CDKAL1: variants seen among roughly 807,000 people sequenced by gnomAD.
CDKAL1 encodes the protein threonylcarbamoyladenosine tRNA methylthiotransferase.
CDKAL1 carries 32 observed loss-of-function variants against 68.2 expected under a neutral mutation model. The ratio of observed to expected loss-of-function variants is 0.47; its 90% CI spans 0.35 to 0.63. The LOEUF (loss-of-function observed/expected upper bound fraction) is 0.63. Among genes scored for constraint, CDKAL1 ranks in the 30% least tolerant of loss-of-function variants. The pLI, the probability that CDKAL1 is intolerant of heterozygous loss-of-function variation, is 0.00. For synonymous variants in CDKAL1, 234 were observed against 244.3 expected, an observed-to-expected ratio of 0.96 and a Z score of 0.39; for missense variants, 606 against 696.7, an observed-to-expected ratio of 0.87 and a Z score of 1.47.
At chr6:21,226,953 C>T (rs761598874) in intron 15 of CDKAL1, among the ~76,000 whole-genome samples, 2 of 152,186 alleles carry the variant, frequency 1.3e-5, no homozygotes, top group Admixed American at 6.5e-5. Flanking sequence ...CCTCGTGATC[C>T]GCCTCGGCCT....
chr6:21,207,221 A>T (rs59341361), intron 15 of CDKAL1, among the ~76,000 whole-genome samples: 27,463 of 149,276 alleles, frequency 0.18, 2,631 homozygotes, highest in African/African-American at 0.2. Context: ...CCTACTTTAA[A>T]TTTTTTTTTT....
chr6:21,169,624 G>A (rs1018125957), intron 13 of CDKAL1, among the ~76,000 whole-genome samples: 2 of 152,138 alleles, frequency 1.3e-5, no homozygotes, highest in East Asian at 1.9e-4. Flanking sequence ...GTGACAGAGC[G>A]AGACTCTGTC....
chr6:20,731,679 G>A (rs1772931302), intron 5 of CDKAL1, among the ~76,000 whole-genome samples: 1 of 152,178 alleles, frequency 6.6e-6, no homozygotes, highest in Non-Finnish European at 1.5e-5. Context: ...TTCAGTTGTA[G>A]AGAAGTGGAA....
intron 10 of CDKAL1, among the ~76,000 whole-genome samples, chr6:20,987,315 G>A (rs1021151770): frequency 1.3e-5 from 2 of 150,012 alleles, no homozygotes; most frequent in African/African-American, 4.9e-5. Flanking sequence ...CTGGAGTGCA[G>A]TGGCACAATC....
chr6:20,730,721 T>C (rs890450911), intron 5 of CDKAL1, among the ~76,000 whole-genome samples: 3 of 151,682 alleles, frequency 2.0e-5, no homozygotes, highest in Admixed American at 1.3e-4. Flanking sequence ...GGCACGTGCC[T>C]GTAATCCCAG....
At position 20,603,768 on chromosome 6, in the gene CDKAL1, A is replaced by ATTTTTTTTTTTTTTTTTTTT. The variant is rs745786047; in HGVS notation, c.287-45518_287-45499dup. On this transcript the variant is annotated intron_variant, in intron 4 of 15. Transcript: ENST00000274695. ...ACATTGATTAATGGGCAGTTGCTAA[A>ATTTTTTTTTTTTTTTTTTTT]TTTTTTTTTTTTTTTTTTTTTTTTT... 4.7e-5 allele frequency among the ~76,000 whole-genome samples: 4 copies of ATTTTTTTTTTTTTTTTTTTT among 85,192 alleles called. 1 individual carries two copies. Among genetic ancestry groups the ATTTTTTTTTTTTTTTTTTTT allele is most frequent in the African/African-American group, 1.9e-4 (4 of 21,332 alleles). The allele number at this position is 85,192 out of a possible 152,430, so 55.9% of individuals were successfully genotyped here.
chr6:20,591,781 A>G (rs1561948827), intron 4 of CDKAL1, among the ~76,000 whole-genome samples: 1 of 152,238 alleles, frequency 6.6e-6, no homozygotes, highest in Non-Finnish European at 1.5e-5. Context: ...GTAGCCTTGT[A>G]GTATTGTTTG....
intron 12 of CDKAL1, among the ~76,000 whole-genome samples, chr6:21,102,810 C>T (rs1265819284): frequency 6.6e-6 from 1 of 152,184 alleles, no homozygotes; most frequent in Admixed American, 6.5e-5. Context: ...CTATTCTGAA[C>T]CTGATTGTCC....
chr6:20,944,408 C>A (rs555220240), intron 9 of CDKAL1, among the ~76,000 whole-genome samples: 1 of 152,218 alleles, frequency 6.6e-6, no homozygotes, highest in African/African-American at 2.4e-5. Flanking sequence ...AGGGCAGTGG[C>A]GTGATCTCAG....
intron 15 of CDKAL1, among the ~76,000 whole-genome samples, chr6:21,229,939 G>A (rs951911663): frequency 6.6e-6 from 1 of 152,166 alleles, no homozygotes; most frequent in Non-Finnish European, 1.5e-5. Context: ...CAGGTCCCCA[G>A]CTTCTCAGCT....
intron 4 of CDKAL1, among the ~76,000 whole-genome samples, chr6:20,649,063 A>G (rs542877049): frequency 6.6e-6 from 1 of 152,342 alleles, no homozygotes; most frequent in African/African-American, 2.4e-5. Context: ...AAGGAAGAGA[A>G]TGCTTATCAT....
chr6:20,693,532 T>C (rs1398614819), intron 5 of CDKAL1, among the ~76,000 whole-genome samples: 1 of 152,204 alleles, frequency 6.6e-6, no homozygotes, highest in African/African-American at 2.4e-5. Context: ...ATGACAGAAT[T>C]CTATTTCCAG....
chr6:20,785,475 C>T (rs1414580784), intron 8 of CDKAL1, among the ~76,000 whole-genome samples: 1 of 151,898 alleles, frequency 6.6e-6, no homozygotes. Context: ...GCCACCACAC[C>T]CGGCTAATTT....
chr6:20,632,566 G>T (rs906906846), intron 4 of CDKAL1, among the ~76,000 whole-genome samples: 15 of 152,206 alleles, frequency 9.9e-5, no homozygotes, highest in African/African-American at 3.4e-4. Context: ...AGCTTCTGCT[G>T]AGAGTGTTTG....
At chr6:21,125,582 G>A (rs956625849) in intron 13 of CDKAL1, among the ~76,000 whole-genome samples, 5 of 152,204 alleles carry the variant, frequency 3.3e-5, no homozygotes, top group Non-Finnish European at 7.3e-5. Flanking sequence ...TGAGGCAGGA[G>A]AATCGCTTGA....
At chr6:21,222,374 T>C (rs985216805) in intron 15 of CDKAL1, among the ~76,000 whole-genome samples, 4 of 152,186 alleles carry the variant, frequency 2.6e-5, no homozygotes, top group African/African-American at 9.6e-5. Flanking sequence ...TGCGCTCTAA[T>C]TGCGTGACTG....
chr6:20,873,183 C>G (rs1036222842), intron 9 of CDKAL1, among the ~76,000 whole-genome samples: 9 of 151,978 alleles, frequency 5.9e-5, no homozygotes, highest in African/African-American at 2.2e-4. Context: ...ATGAATAAGA[C>G]GATGTTTAAG....
intron 13 of CDKAL1, among the ~76,000 whole-genome samples, chr6:21,167,024 T>A (rs140445404): frequency 6.6e-6 from 1 of 152,188 alleles, no homozygotes; most frequent in Non-Finnish European, 1.5e-5. Flanking sequence ...ATCTGTGTCC[T>A]AGAGATAATG....
chr6:20,703,462 A>C lies in CDKAL1; in HGVS notation c.372-36057A>C, dbSNP rs976141625. On this transcript the variant is annotated intron_variant, in intron 5 of 15. Transcript: ENST00000274695. The stretch of plus-strand genomic sequence containing the variant: ...TCCAAAAAACAAAAAGGAAAAAAAA[A>C]CCCAACTCTTTTATGTGCTCTAATG... Among the ~76,000 whole-genome samples, 6 of 152,288 alleles carry C rather than the reference A, an allele frequency of 3.9e-5. No homozygotes were observed. In the East Asian group the frequency reaches 7.7e-4, roughly 20 times the overall value.
Sources: gnomAD v4.1 joint callset for allele counts (sites outside exome capture counted in the v4.1 genomes callset) on GRCh38, gnomAD v4.1.1 for gene constraint, MANE v1.5 for transcripts, NCBI Gene and HGNC (gene_info 2026-07-23, HGNC 2026-07-21) for gene names.